The following ADAR variants were observed in gnomAD, a reference collection of about 807,000 sequenced individuals.
The protein encoded by ADAR is adenosine deaminase RNA specific.
Under a neutral mutation model 113.2 loss-of-function variants are expected in ADAR, and 41 were observed. The observed-to-expected ratio is 0.36, with a 90% confidence interval of 0.28 to 0.47. ADAR has a LOEUF of 0.47. ADAR is among the 20% of genes least tolerant of loss of function. The pLI is 1.00. For missense variants in ADAR, 1,242 were observed against 1,540.9 expected, an observed-to-expected ratio of 0.81 and a Z score of 3.25; for synonymous variants, 605 against 572.6, an observed-to-expected ratio of 1.06 and a Z score of -0.81.
chr1:154,626,760 T>C (rs1347781050), intron 1 of ADAR, among the ~76,000 whole-genome samples: 1 of 152,216 alleles, frequency 6.6e-6, no homozygotes, highest in East Asian at 1.9e-4. Context: ...TCATTCAATG[T>C]CAAACAGCTG....
At chr1:154,614,522 C>T (rs1190386039) in intron 1 of ADAR, among the ~76,000 whole-genome samples, 3 of 152,264 alleles carry the variant, frequency 2.0e-5, no homozygotes, top group African/African-American at 7.2e-5. Flanking sequence ...CAGTCCTGTC[C>T]TGGGCAGGCT....
rs1696662472 is a variant in ADAR, at chr1:154,585,122, A to G, written c.3444-79T>C. 3 of 1,611,848 alleles carry G rather than the reference A, an allele frequency of 1.9e-6. No individual in the cohort carries two copies. In the South Asian group the frequency reaches 3.3e-5, roughly 18 times the overall value. ...CACAGTGGAGACACCGTGGGAGGGGAGGCGGCTCTCAAGCCCTGAGACTGC... is the reference window on the plus strand; with the variant it reads ...CACAGTGGAGACACCGTGGGAGGGGGGGCGGCTCTCAAGCCCTGAGACTGC... On this transcript the variant is annotated intron_variant, in intron 14 of 14. Transcript: ENST00000368474.
exon 1 of ADAR, chr1:154,627,897 C>T (rs1188220799): frequency 3.9e-6 from 2 of 518,436 alleles, no homozygotes; most frequent in South Asian, 1.4e-5. Flanking sequence ...CACCCGGAGA[C>T]TGCCAGTGCG....
At chr1:154,592,709 A>G (rs943452824) in intron 6 of ADAR, among the ~76,000 whole-genome samples, 10 of 152,118 alleles carry the variant, frequency 6.6e-5, no homozygotes, top group African/African-American at 2.4e-4. Context: ...CTTGGGGGAA[A>G]TGAAGCGAAG....
upstream of ADAR, chr1:154,608,864 C>T (rs903241472): frequency 6.7e-6 from 1 of 148,246 alleles, no homozygotes; most frequent in Non-Finnish European, 1.5e-5. Flanking sequence ...GCGCAGATCT[C>T]GTCAAACGAC....
In ADAR at chr1:154,601,014, A is replaced by C. The variant is rs957397597; in HGVS notation, c.1601+27T>G. 4 of 1,613,732 alleles carry C rather than the reference A, an allele frequency of 2.5e-6. No homozygotes were observed. Among genetic ancestry groups the C allele is most frequent in the Non-Finnish European group, 3.4e-6 (4 of 1,180,004 alleles). ...AGCAAAAGCACCTGACCCCAACCCT[A>C]GGTACAGTTCCTGGGTGGTCTCTTA... is the stretch of plus-strand genomic sequence containing the variant. On this transcript the variant is annotated intron_variant, in intron 2 of 14. Transcript: ENST00000368474. This position sits in a 1 kb window ranked among gnomAD's most constrained non-coding sequence, Gnocchi z 4.7.
chr1:154,600,841 T>C (rs1697821389), intron 2 of ADAR, 200 bp downstream of exon 2: 9 of 706,394 alleles, frequency 1.3e-5, no homozygotes, highest in Non-Finnish European at 2.1e-5. Context: ...TCAGCCAAGA[T>C]TCTGGCTGGT....
upstream of ADAR, chr1:154,608,282 C>T: frequency 2.0e-6 from 1 of 493,820 alleles, no homozygotes; most frequent in Non-Finnish European, 3.5e-6. Flanking sequence ...TGGTTTCAGG[C>T]CGGTTACAAG....
At chr1:154,599,105 C>T (rs905039754) in intron 2 of ADAR, among the ~76,000 whole-genome samples, 2 of 152,166 alleles carry the variant, frequency 1.3e-5, no homozygotes, top group African/African-American at 2.4e-5. Flanking sequence ...ACCTATATCA[C>T]CGTAGTTTGT....
rs1433661377 is a variant in ADAR, at chr1:154,585,263, C to T, written c.3397G>A (p.Gly1133Ser). ...CCGTCCAGGATCTCCAGGTCATAGC[C>T]ATCAGCCAGACACCAGTTGACGCTT... Reference protein sequence around the residue: ...ETSVNWCLADGYDLEILDGTR... With the variant: ...ETSVNWCLADSYDLEILDGTR... Residue 1133 changes from glycine to serine, a missense_variant, in exon 14 of 15, where the codon GGC becomes AGC. Coordinates refer to ENST00000368474, the MANE Select transcript of ADAR (RefSeq NM_001111.5). The T allele has an allele frequency of 2.5e-6, 4 of 1,614,076 alleles. No homozygotes were observed. Among genetic ancestry groups the T allele is most frequent in the African/African-American group, 2.7e-5 (2 of 74,916 alleles).
intron 2 of ADAR, among the ~76,000 whole-genome samples, chr1:154,599,022 C>A (rs185105534): frequency 7.2e-4 from 109 of 152,306 alleles, no homozygotes; most frequent in Non-Finnish European, 1.2e-3. Flanking sequence ...TTCTTATAAC[C>A]CAGTCTCACA....
intron 1 of ADAR, among the ~76,000 whole-genome samples, chr1:154,613,281 C>CTTTTT (rs56126079): frequency 4.7e-5 from 4 of 84,662 alleles, no homozygotes; most frequent in Non-Finnish European, 8.7e-5. Flanking sequence ...TCACAAATGG[C>CTTTTT]TTTTTTTTTT....
chr1:154,593,907 G>A (rs1202591000), intron 6 of ADAR, among the ~76,000 whole-genome samples: 1 of 150,430 alleles, frequency 6.6e-6, no homozygotes, highest in Non-Finnish European at 1.5e-5. Flanking sequence ...TTTTTGAGAC[G>A]GAGTCTCACT....
chr1:154,619,725 T>C (rs9426829), intron 1 of ADAR, among the ~76,000 whole-genome samples: 59,124 of 152,170 alleles, frequency 0.39, 13,282 homozygotes, highest in East Asian at 0.53. Flanking sequence ...GACTAGAACA[T>C]GTAATAAAAC....
intron 1 of ADAR, among the ~76,000 whole-genome samples, chr1:154,606,965 CA>C (rs1698232131): frequency 7.0e-6 from 1 of 141,984 alleles, no homozygotes; most frequent in East Asian, 2.0e-4. Flanking sequence ...TATATCTTAA[CA>C]AAATTGAGGT....
At chr1:154,625,607 C>T (rs1267307164) in intron 1 of ADAR, among the ~76,000 whole-genome samples, 4 of 152,180 alleles carry the variant, frequency 2.6e-5, no homozygotes, top group African/African-American at 9.7e-5. Flanking sequence ...GCCTGTAATC[C>T]CATCACTCTG....
chr1:154,614,607 G>GA (rs1419102497), intron 1 of ADAR, among the ~76,000 whole-genome samples: 1 of 152,230 alleles, frequency 6.6e-6, no homozygotes, highest in East Asian at 1.9e-4. Flanking sequence ...CCAATTTGCC[G>GA]AAAGTCAGTT....
Position 154,586,336 on chromosome 1 carries a change from C to G in ADAR, c.3047G>C (p.Ser1016Thr). The G allele has an allele frequency of 6.2e-7, 1 of 1,614,180 alleles. No individual in the cohort carries two copies. Reference protein sequence around the residue: ...NGEGTIPVESSDIVPTWDGIR... With the variant: ...NGEGTIPVESTDIVPTWDGIR... ...GCCATCCCACGTAGGCACAATGTCA[C>G]TGGATTCCACAGGGATTGTGCCTTC... The change falls in exon 12 of 15, where the codon AGT becomes ACT. Residue 1016 changes from serine to threonine, a missense_variant. Ser to Thr is a moderately conservative substitution (Grantham distance 58). Around this residue, in one of 2 missense-constraint regions of ADAR, gnomAD observed 780 missense variants for 1,057.9 expected, o/e 0.74. Transcript: ENST00000368474.
chr1:154,607,312 T>C (rs1194477081), intron 1 of ADAR, among the ~76,000 whole-genome samples: 1 of 152,248 alleles, frequency 6.6e-6, no homozygotes, highest in Non-Finnish European at 1.5e-5. Flanking sequence ...TACTAAGCAG[T>C]ATCCCATTAT....
Sources: gnomAD v4.1 joint callset for allele counts (sites outside exome capture counted in the v4.1 genomes callset) on GRCh38, gnomAD v4.1.1 for gene constraint, gnomAD v4.1.1 regional missense constraint, Gnocchi (gnomAD v3.1) non-coding constraint, MANE v1.5 for transcripts, NCBI Gene and HGNC (gene_info 2026-07-23, HGNC 2026-07-21) for gene names.